DAPK1: variants seen among roughly 807,000 people sequenced by gnomAD.
DAPK1 encodes the protein death associated protein kinase 1.
Under a neutral mutation model 144.9 loss-of-function variants are expected in DAPK1, and 56 were observed. That is an observed-to-expected ratio of 0.39 (90% CI 0.31 to 0.48). DAPK1 has a LOEUF of 0.48. DAPK1 is among the 20% of genes least tolerant of loss of function. The pLI is 0.95. For synonymous variants in DAPK1, 690 were observed against 749.0 expected (o/e 0.92, Z 1.29); for missense variants, 1,454 against 1,875.4 (o/e 0.78, Z 4.15).
chr9:87,702,240 A>G (rs1825480303), intron 24 of DAPK1, among the ~76,000 whole-genome samples: 6 of 152,200 alleles, frequency 3.9e-5, no homozygotes, highest in Admixed American at 3.9e-4. Flanking sequence ...AATTAATGGC[A>G]CGGTGTAGCC....
chr9:87,548,061 T>C (rs1364183539), intron 2 of DAPK1, among the ~76,000 whole-genome samples: 1 of 152,200 alleles, frequency 6.6e-6, no homozygotes, highest in Non-Finnish European at 1.5e-5. Context: ...AGCACTTCAC[T>C]GGGGCTTCTG....
intron 2 of DAPK1, among the ~76,000 whole-genome samples, chr9:87,549,568 T>G (rs574116560): frequency 6.6e-6 from 1 of 152,322 alleles, no homozygotes; most frequent in South Asian, 2.1e-4. Flanking sequence ...CTGTTTTAAT[T>G]AGGCATTTCA....
At chr9:87,529,025 G>C (rs1186675039) in intron 2 of DAPK1, among the ~76,000 whole-genome samples, 1 of 152,178 alleles carries the variant, frequency 6.6e-6, no homozygotes, top group Non-Finnish European at 1.5e-5. Flanking sequence ...TAAACACACT[G>C]TGTGTGCTCA....
intron 24 of DAPK1, among the ~76,000 whole-genome samples, chr9:87,701,549 T>C (rs1825453176): frequency 6.6e-6 from 1 of 152,098 alleles, no homozygotes; most frequent in South Asian, 2.1e-4. Flanking sequence ...GACAGATAAA[T>C]GGTCACACCG....
chr9:87,685,637 G>A (rs564408884), intron 20 of DAPK1, among the ~76,000 whole-genome samples: 1 of 152,230 alleles, frequency 6.6e-6, no homozygotes, highest in Non-Finnish European at 1.5e-5. Flanking sequence ...AACTGAGACA[G>A]TGAGGAAGCA....
chr9:87,623,252 T>TA (rs1829368890), intron 3 of DAPK1, among the ~76,000 whole-genome samples: 1 of 152,226 alleles, frequency 6.6e-6, no homozygotes, highest in African/African-American at 2.4e-5. Context: ...TCTTGGATGC[T>TA]AAAAGAAAGT....
chr9:87,543,070 A>T (rs1321508923), intron 2 of DAPK1, among the ~76,000 whole-genome samples: 1 of 152,234 alleles, frequency 6.6e-6, no homozygotes, highest in African/African-American at 2.4e-5. Context: ...ATAAGTAGGG[A>T]TTTAAAATAT....
chr9:87,602,458 T>C (rs1372325623), intron 2 of DAPK1, among the ~76,000 whole-genome samples: 1 of 152,160 alleles, frequency 6.6e-6, no homozygotes, highest in Non-Finnish European at 1.5e-5. Context: ...GCACCTGCCT[T>C]CATCCTGCCA....
intron 3 of DAPK1, among the ~76,000 whole-genome samples, chr9:87,613,505 C>T (rs1417395379): frequency 6.6e-6 from 1 of 152,198 alleles, no homozygotes; most frequent in African/African-American, 2.4e-5. Flanking sequence ...CTCACTCTCT[C>T]ATAACCAAAC....
At chr9:87,602,558 G>A (rs969672496) in intron 2 of DAPK1, among the ~76,000 whole-genome samples, 8 of 152,086 alleles carry the variant, frequency 5.3e-5, no homozygotes, top group Non-Finnish European at 4.4e-5. Flanking sequence ...AAACGCACGT[G>A]GAACAGTTTT....
In DAPK1 at chr9:87,634,593, G is replaced by A. The variant is rs142486039; in HGVS notation, c.285-3350G>A. On this transcript the variant is annotated intron_variant, in intron 3 of 25. Coordinates refer to ENST00000408954, the MANE Select transcript of DAPK1 (RefSeq NM_004938.4). Reference sequence around the variant, plus strand: ...TTCAAGAGATGGAGCCACAGATGCCGCCCACTGCCTGAAGGAGGATGGCAC... The same window carrying A: ...TTCAAGAGATGGAGCCACAGATGCCACCCACTGCCTGAAGGAGGATGGCAC... Among the ~76,000 whole-genome samples, 650 of 152,272 alleles carry A rather than the reference G, an allele frequency of 4.3e-3. 2 individuals carry two copies. The highest frequency in any genetic ancestry group is 0.015 in the African/African-American group (616 of 41,546).
intron 2 of DAPK1, chr9:87,525,612 C>T: frequency 1.5e-6 from 1 of 660,684 alleles, no homozygotes; most frequent in Non-Finnish European, 2.6e-6. Context: ...TGTCAGTTTC[C>T]AAAAAGAACC....
At chr9:87,684,617 G>C (rs1051956586) in intron 20 of DAPK1, among the ~76,000 whole-genome samples, 2 of 149,338 alleles carry the variant, frequency 1.3e-5, no homozygotes, top group Non-Finnish European at 3.0e-5. Context: ...GGTTGTGGCT[G>C]TTGAGCTGTG....
rs992649735 is a variant in DAPK1, at chr9:87,686,132, G to A, written c.2225-419G>A. ...ATAATCTCATGTGCAAGAGAGAGAA[G>A]TCGCTCAGTGGGAGCTGGAGGAAGA... On this transcript the variant is annotated intron_variant, in intron 20 of 25. Coordinates refer to ENST00000408954, the MANE Select transcript of DAPK1 (RefSeq NM_004938.4). The surrounding 1 kb of genome is among the most constrained non-coding windows in gnomAD (Gnocchi z 4.2). Among the ~76,000 whole-genome samples the A allele has an allele frequency of 3.9e-5, 6 of 152,246 alleles. No individual in the cohort carries two copies. Among genetic ancestry groups the A allele is most frequent in the African/African-American group, 1.4e-4 (6 of 41,462 alleles).
At chr9:87,571,118 G>A (rs1404946076) in intron 2 of DAPK1, among the ~76,000 whole-genome samples, 1 of 152,006 alleles carries the variant, frequency 6.6e-6, no homozygotes, top group Non-Finnish European at 1.5e-5. Context: ...GTTTTCTTTA[G>A]GCCTTGAGAA....
intron 3 of DAPK1, among the ~76,000 whole-genome samples, chr9:87,635,058 C>T (rs1023147797): frequency 1.3e-5 from 2 of 152,058 alleles, no homozygotes; most frequent in Admixed American, 6.5e-5. Context: ...GGTTGGAGGC[C>T]CTGGCAGGAT....
chr9:87,639,222 G>A, intron 4 of DAPK1, 132 bp from the exon 5 acceptor site: 1 of 810,944 alleles, frequency 1.2e-6, no homozygotes, highest in Non-Finnish European at 1.9e-6. Flanking sequence ...TTTTCCTGCT[G>A]TTCTCTTCCA....
rs1026080666 is a variant in DAPK1, at chr9:87,681,292, AG to A, written c.2002-111del. ...AAACTCCGTCTCAAAAAAGAAAAAAAGAAACATATCTTCAGCATGGGTAAAA... is the reference window on the plus strand; with the variant it reads ...AAACTCCGTCTCAAAAAAGAAAAAAAAAACATATCTTCAGCATGGGTAAAA... On this transcript the variant is annotated intron_variant, in intron 19 of 25. Coordinates refer to ENST00000408954, the MANE Select transcript of DAPK1 (RefSeq NM_004938.4). 1.1e-5 allele frequency: 8 copies of A among 702,196 alleles called. No individual in the cohort carries two copies. In the African/African-American group the frequency reaches 1.4e-4, roughly 12 times the overall value. 43.5% of individuals were successfully genotyped at this position (702,196 alleles called of 1,614,324 possible).
intron 3 of DAPK1, among the ~76,000 whole-genome samples, chr9:87,623,121 G>A (rs1364227224): frequency 6.6e-6 from 1 of 152,158 alleles, no homozygotes; most frequent in Non-Finnish European, 1.5e-5. Flanking sequence ...TGCTGTGCTG[G>A]TAATGACTTC....
Sources: gnomAD v4.1 joint callset for allele counts (sites outside exome capture counted in the v4.1 genomes callset) on GRCh38, gnomAD v4.1.1 for gene constraint, Gnocchi (gnomAD v3.1) non-coding constraint, MANE v1.5 for transcripts, NCBI Gene and HGNC (gene_info 2026-07-23, HGNC 2026-07-21) for gene names.